Variants in SMARCD3 observed in about 807,000 individuals in gnomAD.
The protein encoded by SMARCD3 is SWI/SNF-related matrix-associated actin-dependent regulator of chromatin subfamily D member 3.
SMARCD3 carries 14 observed loss-of-function variants against 58.0 expected under a neutral mutation model. The observed-to-expected ratio is 0.24, with a 90% CI of 0.16 to 0.38. The LOEUF is 0.38. SMARCD3 is among the 10% of genes least tolerant of loss of function. The pLI is 1.00. For synonymous variants in SMARCD3, 253 were observed against 253.8 expected (o/e 1.00, Z 0.03); for missense variants, 408 against 636.9 (o/e 0.64, Z 3.87).
At position 151,242,680 on chromosome 7, in the gene SMARCD3, C is replaced by T; in HGVS notation, c.456+41G>A. 1 of 1,613,566 alleles carries T rather than the reference C, an allele frequency of 6.2e-7. No homozygotes were observed. The highest frequency in any genetic ancestry group is 2.2e-5 in the East Asian group (1 of 44,864). On this transcript the variant is annotated intron_variant, in intron 4 of 12. Coordinates refer to ENST00000262188, the MANE Select transcript of SMARCD3 (RefSeq NM_001003801.2). This position sits in a 1 kb window ranked among gnomAD's most constrained non-coding sequence, Gnocchi z 4.7. ...CCACCCTGCTTCCCCATCCTGGTCA[C>T]ACAACTCTAGAGTCCCCTTCCTACC...
Position 151,241,452 on chromosome 7 carries a change from C to A in SMARCD3, c.939+40G>T. 1 of 1,582,780 alleles carries A rather than the reference C, an allele frequency of 6.3e-7. No homozygotes were observed. Among genetic ancestry groups the A allele is most frequent in the Non-Finnish European group, 8.6e-7 (1 of 1,158,222 alleles). ...AGGTACTTCCCCTGCTGGAGAACTC[C>A]GCCTGCTCCCCAGATCCCAGGGTTC... is the stretch of plus-strand genomic sequence containing the variant. On this transcript the variant is annotated intron_variant, in intron 8 of 12. Coordinates refer to ENST00000262188, the MANE Select transcript of SMARCD3 (RefSeq NM_001003801.2). This position sits in a 1 kb window ranked among gnomAD's most constrained non-coding sequence, Gnocchi z 5.3.
At chr7:151,258,277 G>C (rs959567879) in intron 2 of SMARCD3, among the ~76,000 whole-genome samples, 17 of 152,086 alleles carry the variant, frequency 1.1e-4, no homozygotes, top group Non-Finnish European at 1.5e-5. Flanking sequence ...TAAAAAGGGA[G>C]TCAGGGCCGG....
chr7:151,240,378 G>T, intron 9 of SMARCD3, 47 bp downstream of exon 9: 1 of 1,583,886 alleles, frequency 6.3e-7, no homozygotes, highest in Non-Finnish European at 8.7e-7. Flanking sequence ...GGGAAGGCAG[G>T]AACGAGATCA....
chr7:151,256,974 C>A (rs1170235959), intron 2 of SMARCD3, among the ~76,000 whole-genome samples: 1 of 152,212 alleles, frequency 6.6e-6, no homozygotes, highest in Admixed American at 6.5e-5. Context: ...CATCAACATT[C>A]CCCTCTTCCC....
Position 151,268,081 on chromosome 7 carries a change from G to A in SMARCD3, c.39+7033C>T, listed in dbSNP as rs974346550. On this transcript the variant is annotated intron_variant, in intron 2 of 13. Coordinates refer to the SMARCD3 transcript ENST00000356800. ...GAAATGCTGGTTTGTTTTCTGGGCTGGGGGATAGAAGGGAGGACAGGGGAC... is the reference window on the plus strand; with the variant it reads ...GAAATGCTGGTTTGTTTTCTGGGCTAGGGGATAGAAGGGAGGACAGGGGAC... Among the ~76,000 whole-genome samples, 7 of 152,296 alleles carry A rather than the reference G, an allele frequency of 4.6e-5. No individual in the cohort carries two copies. The South Asian group carries it at 1.0e-3, about 23-fold the overall frequency.
chr7:151,243,563 G>T lies in SMARCD3; in HGVS notation c.333+96C>A. Reference sequence around the variant, plus strand: ...GCTTTTTTAAACAAAAAGTGAAAGTGACTGTGATGCTGAAGCTCTGCTTCT... The same window carrying T: ...GCTTTTTTAAACAAAAAGTGAAAGTTACTGTGATGCTGAAGCTCTGCTTCT... On this transcript the variant is annotated intron_variant, in intron 3 of 12. Coordinates refer to ENST00000262188, the MANE Select transcript of SMARCD3 (RefSeq NM_001003801.2). This position sits in a 1 kb window ranked among gnomAD's most constrained non-coding sequence, Gnocchi z 4.4. 2 of 751,572 alleles carry T rather than the reference G, an allele frequency of 2.7e-6. No homozygotes were observed. Among genetic ancestry groups the T allele is most frequent in the South Asian group, 2.9e-5 (2 of 69,440 alleles). 46.6% of individuals were successfully genotyped at this position (751,572 alleles called of 1,614,324 possible).
At chr7:151,252,450 A>AGC (rs1316963450), upstream of SMARCD3, among the ~76,000 whole-genome samples, 1 of 151,562 alleles carries the variant, frequency 6.6e-6, no homozygotes, top group East Asian at 1.9e-4. Flanking sequence ...TGAGAGAGAG[A>AGC]GAGAGCGAGA....
chr7:151,275,288 A>C, intron 1 of SMARCD3: 1 of 759,154 alleles, frequency 1.3e-6, no homozygotes, highest in Non-Finnish European at 2.3e-6. Flanking sequence ...CCCAGCGTAG[A>C]TTCAAGGAGG....
chr7:151,273,024 TG>T (rs1194505405), intron 2 of SMARCD3, among the ~76,000 whole-genome samples: 1 of 152,230 alleles, frequency 6.6e-6, no homozygotes, highest in Non-Finnish European at 1.5e-5. Context: ...CCGCCAGTTT[TG>T]GGGTGAGGAC....
intron 2 of SMARCD3, among the ~76,000 whole-genome samples, chr7:151,274,361 G>A (rs1465528880): frequency 6.6e-6 from 1 of 152,252 alleles, no homozygotes. Context: ...TCTGCCCAGA[G>A]CCTCAGTGTG....
chr7:151,251,705 G>A (rs1803516973), upstream of SMARCD3, among the ~76,000 whole-genome samples: 2 of 151,968 alleles, frequency 1.3e-5, no homozygotes, highest in Admixed American at 6.5e-5. Flanking sequence ...TGCGCCTGTC[G>A]GGGGCGAGGG....
chr7:151,239,342 G>A lies in SMARCD3; in HGVS notation c.1398+54C>T. On this transcript the variant is annotated intron_variant, in intron 12 of 12. Transcript: ENST00000262188. This position sits in a 1 kb window ranked among gnomAD's most constrained non-coding sequence, Gnocchi z 7.0. ...GGGCTGCCCACAAGCTGAACAGGGA[G>A]GTTTCTCTTGGAGTTGAGGATGGGG... 6.8e-7 allele frequency: 1 copy of A among 1,466,332 alleles called. No individual in the cohort carries two copies. Among genetic ancestry groups the A allele is most frequent in the Non-Finnish European group, 9.6e-7 (1 of 1,046,708 alleles). The allele number at this position is 1,466,332 out of a possible 1,614,324, so 90.8% of individuals were successfully genotyped here. A position where few individuals can be genotyped will look rare whatever the true frequency, so the allele number is the denominator to read the frequency against.
chr7:151,241,740 T>C lies in SMARCD3; in HGVS notation c.778-87A>G, dbSNP rs1318544994. 2.1e-6 allele frequency: 3 copies of C among 1,418,280 alleles called. No homozygotes were observed. Among genetic ancestry groups the C allele is most frequent in the Middle Eastern group, 1.7e-4 (1 of 5,742 alleles). The allele number at this position is 1,418,280 out of a possible 1,614,324, so 87.9% of individuals were successfully genotyped here. A position where few individuals can be genotyped will look rare whatever the true frequency, so the allele number is the denominator to read the frequency against. ...GGCCATTCAGGACTAGGGGGATGTG[T>C]TGATTGAGGAAACATGCCCCTGGGG... On this transcript the variant is annotated intron_variant, in intron 7 of 12. Transcript: ENST00000262188. The surrounding 1 kb of genome is among the most constrained non-coding windows in gnomAD (Gnocchi z 5.3).
At position 151,242,089 on chromosome 7, in the gene SMARCD3, G is replaced by C; in HGVS notation, c.675+48C>G. The C allele has an allele frequency of 6.5e-7, 1 of 1,548,502 alleles. No homozygotes were observed. The highest frequency in any genetic ancestry group is 1.7e-4 in the Middle Eastern group (1 of 5,888). ...CTGTGCTGGTTCTTCAGGGATTCTG[G>C]CCTGTGGGAGGGTGGCAATTCAAGG... On this transcript the variant is annotated intron_variant, in intron 6 of 12. Transcript: ENST00000262188. The surrounding 1 kb of genome is among the most constrained non-coding windows in gnomAD (Gnocchi z 4.7).
intron 2 of SMARCD3, among the ~76,000 whole-genome samples, chr7:151,273,571 T>C (rs1303246778): frequency 6.6e-6 from 1 of 152,244 alleles, no homozygotes; most frequent in Non-Finnish European, 1.5e-5. Context: ...CTTTTCTTTA[T>C]GAATTTCAGC....
upstream of SMARCD3, among the ~76,000 whole-genome samples, chr7:151,252,823 G>C (rs1029596408): frequency 1.2e-4 from 18 of 152,176 alleles, no homozygotes; most frequent in Non-Finnish European, 2.2e-4. Context: ...GCGCTTCCCT[G>C]TTTGTGTTGG....
At chr7:151,265,352 G>A (rs184077187) in intron 2 of SMARCD3, among the ~76,000 whole-genome samples, 36 of 152,316 alleles carry the variant, frequency 2.4e-4, no homozygotes, top group African/African-American at 8.4e-4. Flanking sequence ...AAGGAGAGAG[G>A]CCTGAGACAG....
chr7:151,274,661 G>C (rs545665466), intron 2 of SMARCD3, among the ~76,000 whole-genome samples: 9 of 152,250 alleles, frequency 5.9e-5, no homozygotes, highest in Admixed American at 5.2e-4. Context: ...AGCTCGCAGA[G>C]AGCATGTGGT....
chr7:151,242,375 C>T lies in SMARCD3; in HGVS notation c.579+106G>A. ...AATGTCTCTAGGCCTGCCCCTCCAC[C>T]CAGCCTGGGCTGACTCCCTAGCCCT... On this transcript the variant is annotated intron_variant, in intron 5 of 12. Coordinates refer to ENST00000262188, the MANE Select transcript of SMARCD3 (RefSeq NM_001003801.2). This position sits in a 1 kb window ranked among gnomAD's most constrained non-coding sequence, Gnocchi z 4.7. The T allele has an allele frequency of 6.6e-7, 1 of 1,517,620 alleles. No homozygotes were observed. The highest frequency in any genetic ancestry group is 9.1e-7 in the Non-Finnish European group (1 of 1,102,910). The allele number at this position is 1,517,620 out of a possible 1,614,324, so 94.0% of individuals were successfully genotyped here.
Sources: gnomAD v4.1 joint callset for allele counts (sites outside exome capture counted in the v4.1 genomes callset) on GRCh38, gnomAD v4.1.1 for gene constraint, Gnocchi (gnomAD v3.1) non-coding constraint, MANE v1.5 for transcripts, NCBI Gene and HGNC (gene_info 2026-07-23, HGNC 2026-07-21) for gene names.